The following LSM3 variants were observed in gnomAD, a reference collection of about 807,000 sequenced individuals.
LSM3 encodes the protein U6 snRNA-associated Sm-like protein LSm3.
A neutral mutation model predicts 15.4 loss-of-function variants in LSM3; 14 were observed. The ratio of observed to expected loss-of-function variants is 0.91; its 90% CI spans 0.60 to 1.42. The LOEUF is 1.42. Among genes scored for constraint, LSM3 ranks in the 40% most tolerant of loss-of-function variants. The pLI is 0.00. For missense variants in LSM3, 88 were observed against 127.9 expected, an observed-to-expected ratio of 0.69 and a Z score of 1.50; for synonymous variants, 46 against 45.1, an observed-to-expected ratio of 1.02 and a Z score of -0.08.
chr3:14,192,884 C>T (rs1189586074), intron 3 of LSM3, among the ~76,000 whole-genome samples: 1 of 152,206 alleles, frequency 6.6e-6, no homozygotes, highest in Non-Finnish European at 1.5e-5. Flanking sequence ...ATGTTATTTA[C>T]AATGTGGTAT....
At chr3:14,185,697 C>T (rs1237906866) in intron 3 of LSM3, among the ~76,000 whole-genome samples, 1 of 152,206 alleles carries the variant, frequency 6.6e-6, no homozygotes, top group Non-Finnish European at 1.5e-5. Flanking sequence ...CATCTGGAAT[C>T]TGAAACGGTA....
chr3:14,197,962 T>G, intron 3 of LSM3, 74 bp from the exon 4 acceptor site: 1 of 1,301,086 alleles, frequency 7.7e-7, no homozygotes, highest in South Asian at 1.2e-5. Flanking sequence ...ATCCATTTTT[T>G]AACATTTCTG....
intron 3 of LSM3, among the ~76,000 whole-genome samples, chr3:14,184,535 A>C (rs1371790920): frequency 2.0e-5 from 3 of 151,768 alleles, no homozygotes; most frequent in Non-Finnish European, 4.4e-5. Context: ...CGGGCGGATC[A>C]CGAGGTCAGG....
At chr3:14,197,266 T>G (rs896955627) in intron 3 of LSM3, among the ~76,000 whole-genome samples, 1 of 152,254 alleles carries the variant, frequency 6.6e-6, no homozygotes, top group Non-Finnish European at 1.5e-5. Context: ...CTAAATACAT[T>G]AGGCTAACAG....
chr3:14,186,075 C>T (rs1697085992), intron 3 of LSM3, among the ~76,000 whole-genome samples: 1 of 152,154 alleles, frequency 6.6e-6, no homozygotes, highest in Admixed American at 6.5e-5. Flanking sequence ...CCACGCCCAG[C>T]TAATTTTTGT....
intron 3 of LSM3, among the ~76,000 whole-genome samples, chr3:14,189,065 ATCT>A (rs1697116072): frequency 6.6e-6 from 1 of 151,770 alleles, no homozygotes; most frequent in Non-Finnish European, 1.5e-5. Flanking sequence ...TGGTTTTCTG[ATCT>A]TGTGATATTT....
rs1453500608 is a variant in LSM3, at chr3:14,199,176, A to G, written c.*1060A>G. On this transcript the variant is annotated 3_prime_UTR_variant, in exon 4 of 4. Transcript: ENST00000306024. ...TTTTTCCACTCTTGGATCATTGGCC[A>G]TTAATGATGAGGGGTCTCAAACAAC... The G allele has an allele frequency of 6.6e-6, 1 of 152,206 alleles. No homozygotes were observed. Among genetic ancestry groups the G allele is most frequent in the African/African-American group, 2.4e-5 (1 of 41,450 alleles). 9.4% of individuals were successfully genotyped at this position (152,206 alleles called of 1,614,324 possible).
chr3:14,194,549 C>G (rs1308658931), intron 3 of LSM3, among the ~76,000 whole-genome samples: 1 of 152,120 alleles, frequency 6.6e-6, no homozygotes, highest in Admixed American at 6.5e-5. Context: ...TAATACCTGA[C>G]ACATAATGGG....
chr3:14,193,649 A>G (rs1413080033), intron 3 of LSM3, among the ~76,000 whole-genome samples: 1 of 152,138 alleles, frequency 6.6e-6, no homozygotes, highest in South Asian at 2.1e-4. Context: ...GTTTTTCTCT[A>G]CATTGGTTAT....
intron 3 of LSM3, 109 bp from the exon 4 acceptor site, chr3:14,197,927 A>G: frequency 1.1e-6 from 1 of 903,684 alleles, no homozygotes; most frequent in Non-Finnish European, 1.8e-6. Context: ...AGGTTTTTTA[A>G]TCCAATTTTT....
chr3:14,185,266 C>T (rs1697078090), intron 3 of LSM3, among the ~76,000 whole-genome samples: 1 of 152,048 alleles, frequency 6.6e-6, no homozygotes, highest in Non-Finnish European at 1.5e-5. Context: ...GCAGGAGAAT[C>T]ACTTGAACCT....
At chr3:14,191,580 A>C (rs1331352119) in intron 3 of LSM3, among the ~76,000 whole-genome samples, 1 of 152,096 alleles carries the variant, frequency 6.6e-6, no homozygotes, top group African/African-American at 2.4e-5. Flanking sequence ...AGAGATGTTT[A>C]TATTATTCTC....
chr3:14,189,937 C>T (rs768174136), intron 3 of LSM3, among the ~76,000 whole-genome samples: 4 of 152,288 alleles, frequency 2.6e-5, no homozygotes, highest in East Asian at 3.9e-4. Flanking sequence ...CTAGGTCTTA[C>T]ATTTAAGTCT....
chr3:14,185,862 C>A (rs1398844675), intron 3 of LSM3, among the ~76,000 whole-genome samples: 1 of 151,722 alleles, frequency 6.6e-6, no homozygotes, highest in Non-Finnish European at 1.5e-5. Flanking sequence ...TTTATTTCTT[C>A]AGTGTTTAAA....
At chr3:14,186,232 C>A (rs912420085) in intron 3 of LSM3, among the ~76,000 whole-genome samples, 2 of 152,226 alleles carry the variant, frequency 1.3e-5, no homozygotes, top group African/African-American at 4.8e-5. Context: ...CAGTTTCTGA[C>A]CCTGCCAGGG....
intron 3 of LSM3, among the ~76,000 whole-genome samples, chr3:14,190,137 A>G (rs1174241928): frequency 6.6e-6 from 1 of 151,916 alleles, no homozygotes; most frequent in Admixed American, 6.6e-5. Context: ...TGAGGCCTCC[A>G]TTTTGTTCCA....
chr3:14,194,280 C>T (rs190762719), intron 3 of LSM3, among the ~76,000 whole-genome samples: 60 of 152,262 alleles, frequency 3.9e-4, no homozygotes, highest in Non-Finnish European at 8.2e-4. Flanking sequence ...AGAGCTCGAA[C>T]GCTGTGCTGG....
intron 1 of LSM3, among the ~76,000 whole-genome samples, chr3:14,180,327 C>T (rs1040951470): frequency 3.3e-5 from 5 of 151,788 alleles, no homozygotes; most frequent in African/African-American, 9.7e-5. Flanking sequence ...CTCACTCTAT[C>T]GCCCAGGCTG....
chr3:14,185,490 C>T (rs1383207979), intron 3 of LSM3, among the ~76,000 whole-genome samples: 1 of 152,130 alleles, frequency 6.6e-6, no homozygotes. Flanking sequence ...CTCTTTAATG[C>T]CCCGCTTAAT....
Sources: gnomAD v4.1 joint callset for allele counts (sites outside exome capture counted in the v4.1 genomes callset) on GRCh38, gnomAD v4.1.1 for gene constraint, MANE v1.5 for transcripts, NCBI Gene and HGNC (gene_info 2026-07-23, HGNC 2026-07-21) for gene names.